CEP152: variants seen among roughly 807,000 people sequenced by gnomAD.
The protein encoded by CEP152 is centrosomal protein of 152 kDa.
A neutral mutation model predicts 188.9 loss-of-function variants in CEP152; 132 were observed. The observed-to-expected ratio is 0.70, with a 90% CI of 0.61 to 0.81. CEP152 has a LOEUF of 0.81. Ranked by LOEUF, CEP152 falls within the 30% of genes least tolerant of loss-of-function variation. CEP152 has a pLI of 0.00. For missense variants in CEP152, 1,914 were observed against 1,969.8 expected (o/e 0.97, Z 0.54); for synonymous variants, 649 against 666.6 (o/e 0.97, Z 0.41).
chr15:48,755,027 T>C (rs905055305), intron 20 of CEP152, among the ~76,000 whole-genome samples: 1 of 152,102 alleles, frequency 6.6e-6, no homozygotes, highest in Non-Finnish European at 1.5e-5. Context: ...CTTTTTTTTT[T>C]TTCCTGCCTC....
intron 24 of CEP152, among the ~76,000 whole-genome samples, chr15:48,743,116 C>T (rs1893120644): frequency 6.6e-6 from 1 of 152,162 alleles, no homozygotes; most frequent in African/African-American, 2.4e-5. Context: ...TTCCACTTCC[C>T]AATTAATACA....
rs542231445 is a variant in CEP152 at position 48,771,835 on chromosome 15, A to T, written c.1782+652T>A. Among the ~76,000 whole-genome samples, 7 of 152,366 alleles carry T rather than the reference A, an allele frequency of 4.6e-5. No individual in the cohort carries two copies. In the South Asian group the frequency reaches 1.4e-3, roughly 32 times the overall value. ...TAATAGCCAACAGTTATGCAAAGTC[A>T]TCTAATGCAAAGCTTCATTTATAAT... On this transcript the variant is annotated intron_variant, in intron 13 of 26. Coordinates refer to ENST00000380950, the MANE Select transcript of CEP152 (RefSeq NM_001194998.2).
rs1208697667 is a variant in CEP152 at position 48,756,137 on chromosome 15, C to T, written c.3111G>A (p.Leu1037=). The T allele has an allele frequency of 4.3e-6, 7 of 1,614,090 alleles. No homozygotes were observed. The highest frequency in any genetic ancestry group is 5.9e-6 in the Non-Finnish European group (7 of 1,179,982). Residue 1037 remains leucine, a synonymous_variant, in exon 20 of 27, where the codon CTG becomes CTA. Transcript: ENST00000380950. The part of the protein sequence containing the change: ...WTMQEAKRIQ[L]EIYQYEEDIL... The stretch of plus-strand genomic sequence containing the variant: ...TGTCTTCCTCATACTGATAGATTTC[C>T]AGTTGGATCCGCTTGGCTTCCTGCA...
rs771595097 is a variant in CEP152 at position 48,738,374 on chromosome 15, C to G, written c.5008G>C (p.Asp1670His). 5.0e-6 allele frequency: 8 copies of G among 1,614,144 alleles called. No individual in the cohort carries two copies. The East Asian group carries it at 1.8e-4, about 36-fold the overall frequency. The change falls in exon 27 of 27, where the codon GAT (aspartate) becomes CAT (histidine). Residue 1670 changes from aspartate to histidine, a missense_variant. Asp to His is a moderately conservative substitution (Grantham distance 81). Transcript: ENST00000380950. ...SRHKADRLKSDFKKLSSTLPS... is the reference protein window; with the variant it reads ...SRHKADRLKSHFKKLSSTLPS... The stretch of plus-strand genomic sequence containing the variant: ...AATGTACTGCTCAGTTTTTTGAAAT[C>G]TGACTTTAATCTATCAGCCTTATGA...
chr15:48,735,147 G>C (rs571475505), downstream of CEP152, among the ~76,000 whole-genome samples: 1 of 152,016 alleles, frequency 6.6e-6, no homozygotes, highest in South Asian at 2.1e-4. Context: ...TAAAAGGATG[G>C]AAATCATTCA....
At chr15:48,751,537 G>C (rs1893873291) in intron 21 of CEP152, among the ~76,000 whole-genome samples, 1 of 152,322 alleles carries the variant, frequency 6.6e-6, no homozygotes, top group South Asian at 2.1e-4. Flanking sequence ...TTCTGAATTA[G>C]AAATGTGTGC....
intron 5 of CEP152, 92 bp from the exon 6 acceptor site, chr15:48,796,252 A>C: frequency 6.4e-6 from 9 of 1,416,454 alleles, no homozygotes; most frequent in Non-Finnish European, 8.8e-6. Context: ...ACGTTACAGA[A>C]CTTACTTTTG....
At chr15:48,763,599 G>T (rs889215302) in intron 17 of CEP152, among the ~76,000 whole-genome samples, 1 of 151,588 alleles carries the variant, frequency 6.6e-6, no homozygotes, top group Non-Finnish European at 1.5e-5. Flanking sequence ...ACTTGAACTC[G>T]GGAGGTGGAG....
intron 11 of CEP152, among the ~76,000 whole-genome samples, chr15:48,781,627 T>C (rs1896247104): frequency 6.6e-6 from 1 of 152,172 alleles, no homozygotes; most frequent in Non-Finnish European, 1.5e-5. Context: ...AAGTGGTGTG[T>C]TCCTTGGGCT....
At chr15:48,780,702 T>C (rs1297273403) in intron 12 of CEP152, among the ~76,000 whole-genome samples, 3 of 152,234 alleles carry the variant, frequency 2.0e-5, no homozygotes, top group Non-Finnish European at 4.4e-5. Context: ...ATTGAATGCA[T>C]AGCACTTAGT....
chr15:48,747,892 A>G (rs1353007802), intron 22 of CEP152, among the ~76,000 whole-genome samples: 1 of 152,112 alleles, frequency 6.6e-6, no homozygotes, highest in Non-Finnish European at 1.5e-5. Flanking sequence ...GCCAGTCCAG[A>G]CCCTCACGCC....
At chr15:48,730,183 AG>A (rs1185195394) in intron 2 of CEP152, among the ~76,000 whole-genome samples, 1 of 152,168 alleles carries the variant, frequency 6.6e-6, no homozygotes, top group African/African-American at 2.4e-5. Context: ...TCAGTGAGGT[AG>A]TGCTAACAGT....
intron 13 of CEP152, 36 bp downstream of exon 13, chr15:48,772,451 T>C (rs1377394567): frequency 1.9e-6 from 3 of 1,574,926 alleles, no homozygotes; most frequent in Non-Finnish European, 2.6e-6. Flanking sequence ...TTGAGCCTTT[T>C]AAAAATGGTT....
downstream of CEP152, among the ~76,000 whole-genome samples, chr15:48,737,352 C>T (rs141686997): frequency 1.8e-3 from 276 of 152,236 alleles, 2 homozygotes; most frequent in African/African-American, 6.2e-3. Context: ...TCATACCCAT[C>T]GCTAGGGATC....
chr15:48,797,993 G>T lies in CEP152; in HGVS notation c.146C>A (p.Pro49Gln), dbSNP rs202197193. The change falls in exon 3 of 27, where the codon CCA (proline) becomes CAA (glutamine). Residue 49 changes from proline (P) to glutamine (Q), a missense_variant. Physicochemically the swap from Pro to Gln is moderately conservative, Grantham distance 76 (BLOSUM62 -1). Transcript: ENST00000380950. ...GCTGCAGTCCGAATACTGGAGCTCTGGAGAGGAGAGGTCGTCATCCAGCAT... is the reference window on the plus strand; with the variant it reads ...GCTGCAGTCCGAATACTGGAGCTCTTGAGAGGAGAGGTCGTCATCCAGCAT... ...HDMLDDDLSS[P>Q]ELQYSDCSED... The T allele has an allele frequency of 2.9e-5, 47 of 1,613,964 alleles. No individual in the cohort carries two copies. In the African/African-American group the frequency reaches 5.7e-4, roughly 20 times the overall value.
Position 48,782,201 on chromosome 15 carries a change from A to G in CEP152, c.1351T>C (p.Phe451Leu). The change falls in exon 11 of 27, where the codon TTC becomes CTC. Residue 451 changes from phenylalanine to leucine, a missense_variant. Phe to Leu is a conservative substitution (Grantham distance 22, BLOSUM62 0). Transcript: ENST00000380950. Reference sequence around the variant, plus strand: ...GCCTTCTGTGCTTGCTGCAGCTGGAACTGTAGCTGAGCCACCTCTTGTACT... The same window carrying G: ...GCCTTCTGTGCTTGCTGCAGCTGGAGCTGTAGCTGAGCCACCTCTTGTACT... ...GSVQEVAQLQ[F>L]QLQQAQKAHA... is the part of the protein sequence containing the mutation. The G allele has an allele frequency of 6.2e-7, 1 of 1,613,904 alleles. No homozygotes were observed. The highest frequency in any genetic ancestry group is 1.6e-4 in the Middle Eastern group (1 of 6,062).
At chr15:48,770,065 T>C (rs992828364) in intron 13 of CEP152, among the ~76,000 whole-genome samples, 1 of 152,262 alleles carries the variant, frequency 6.6e-6, no homozygotes, top group Non-Finnish European at 1.5e-5. Flanking sequence ...ATCTGTTCAT[T>C]TAACTTTGCA....
intron 10 of CEP152, chr15:48,783,102 T>C (rs971186884): frequency 1.3e-5 from 2 of 152,230 alleles, no homozygotes; most frequent in African/African-American, 4.8e-5. Flanking sequence ...GACTTTCATA[T>C]ATCAGTTAAT....
chr15:48,741,340 T>C lies in CEP152; in HGVS notation c.4093+261A>G, dbSNP rs1320439849. The C allele has an allele frequency of 2.4e-6, 3 of 1,257,086 alleles. No individual in the cohort carries two copies. In the East Asian group the frequency reaches 1.3e-4, roughly 56 times the overall value. 77.9% of individuals were successfully genotyped at this position (1,257,086 alleles called of 1,614,324 possible). A position where few individuals can be genotyped will look rare whatever the true frequency, so the allele number is the denominator to read the frequency against. ...CACTTATAATTTCTTCTTTTTCTCA[T>C]TCTTTATTTGCTGTTTAAAATCTTT... On this transcript the variant is annotated intron_variant, in intron 26 of 26. Transcript: ENST00000380950.
Sources: allele counts gnomAD v4.1 joint callset (sites outside exome capture counted in the v4.1 genomes callset), GRCh38; gene constraint gnomAD v4.1.1; transcripts MANE v1.5; gene names NCBI Gene and HGNC (gene_info 2026-07-23, HGNC 2026-07-21).